Variants in CCNG2 observed in about 807,000 individuals in gnomAD.
CCNG2 encodes cyclin-G2.
In CCNG2, 20 loss-of-function variants were observed where a neutral mutation model predicts 36.5. The ratio of observed to expected loss-of-function variants is 0.55; its 90% CI spans 0.39 to 0.80. CCNG2 has a LOEUF of 0.80. Among genes scored for constraint, CCNG2 ranks in the 30% least tolerant of loss-of-function variants. The pLI is 0.00. For missense variants in CCNG2, 358 were observed against 390.8 expected (o/e 0.92, Z 0.71); for synonymous variants, 155 against 140.1 (o/e 1.11, Z -0.75).
Position 77,158,522 on chromosome 4 carries a change from CTT to C in CCNG2, c.1-9_1-8del. On this transcript the variant is annotated splice_polypyrimidine_tract_variant and intron_variant, in intron 1 of 7. Transcript: ENST00000316355. ...CCAGATTACATTCTCTGTGTGGTGT[CTT>C]TACTGCAGATGAAGGATTTGGGGGC... 1 of 1,614,112 alleles carries C rather than the reference CTT, an allele frequency of 6.2e-7. No homozygotes were observed. The highest frequency in any genetic ancestry group is 8.5e-7 in the Non-Finnish European group (1 of 1,179,956).
At chr4:77,157,688 A>T (rs749725340) in intron 1 of CCNG2, among the ~76,000 whole-genome samples, 182 bp downstream of exon 1, 1 of 151,526 alleles carries the variant, frequency 6.6e-6, no homozygotes, top group Non-Finnish European at 1.5e-5. Context: ...GGACAGATAG[A>T]TGCTCGTGGG....
At chr4:77,158,442 C>T in intron 1 of CCNG2, 91 bp from the exon 2 acceptor site, 3 of 1,339,164 alleles carry the variant, frequency 2.2e-6, no homozygotes, top group Non-Finnish European at 3.2e-6. Flanking sequence ...TGGGGCGACC[C>T]TTGCTGGAGG....
intron 1 of CCNG2, among the ~76,000 whole-genome samples, chr4:77,157,826 TGTG>T (rs1731306052): frequency 6.6e-6 from 1 of 151,754 alleles, no homozygotes; most frequent in Non-Finnish European, 1.5e-5. Context: ...TCTGCAGAGT[TGTG>T]GGGCCCCGGC....
intron 1 of CCNG2, 86 bp downstream of exon 1, chr4:77,157,592 G>C (rs1371368549): frequency 1.3e-5 from 2 of 152,622 alleles, no homozygotes; most frequent in African/African-American, 4.8e-5. Context: ...CCATGCGAGT[G>C]CCTCGGTGCT....
chr4:77,158,733 C>A, intron 2 of CCNG2, 63 bp downstream of exon 2: 9 of 1,571,448 alleles, frequency 5.7e-6, no homozygotes, highest in East Asian at 2.2e-5. Flanking sequence ...GGTAACCCCC[C>A]CGCCCCCGTT....
rs959793777 is a variant in CCNG2, at chr4:77,165,675, C to T, written c.912-126C>T. The T allele has an allele frequency of 4.0e-6, 3 of 746,444 alleles. No individual in the cohort carries two copies. The South Asian group carries it at 7.4e-5, about 18-fold the overall frequency. 46.2% of individuals were successfully genotyped at this position (746,444 alleles called of 1,614,324 possible). On this transcript the variant is annotated intron_variant, in intron 7 of 7. Coordinates refer to ENST00000316355, the MANE Select transcript of CCNG2 (RefSeq NM_004354.3). ...TAGGAAGTCCTTATAAATTTTGTCTCTGTAAAGCATAAATTTTGAATATAA... is the reference window on the plus strand; with the variant it reads ...TAGGAAGTCCTTATAAATTTTGTCTTTGTAAAGCATAAATTTTGAATATAA...
chr4:77,157,587 C>G (rs778228616), intron 1 of CCNG2, 81 bp downstream of exon 1: 1 of 152,588 alleles, frequency 6.6e-6, no homozygotes, highest in African/African-American at 2.4e-5. Context: ...TGGTACCATG[C>G]GAGTGCCTCG....
intron 1 of CCNG2, chr4:77,158,200 C>T (rs567994583): frequency 1.6e-5 from 5 of 318,384 alleles, no homozygotes; most frequent in East Asian, 1.4e-4. Context: ...GGGCAGAAGG[C>T]CCTCCCTGGC....
Position 77,161,809 on chromosome 4 carries a change from T to G in CCNG2, c.705+62T>G, listed in dbSNP as rs1243307846. ...TCCTGATGTTTATTTTTTTCTGTGG[T>G]GACTTAAACATTAAGTAATACTTTA... On this transcript the variant is annotated intron_variant, in intron 6 of 7. Coordinates refer to ENST00000316355, the MANE Select transcript of CCNG2 (RefSeq NM_004354.3). 5.1e-6 allele frequency: 5 copies of G among 983,794 alleles called. No homozygotes were observed. The Admixed American group carries it at 1.1e-4, about 22-fold the overall frequency. The allele number at this position is 983,794 out of a possible 1,614,324, so 60.9% of individuals were successfully genotyped here. A position where few individuals can be genotyped will look rare whatever the true frequency, so the allele number is the denominator to read the frequency against.
intron 1 of CCNG2, chr4:77,158,294 G>T (rs1451553323): frequency 3.8e-6 from 2 of 520,590 alleles, no homozygotes; most frequent in Non-Finnish European, 6.8e-6. Flanking sequence ...GCCAGGGCTG[G>T]CCGGTCTTAC....
intron 7 of CCNG2, 95 bp from the exon 8 acceptor site, chr4:77,165,706 C>T: frequency 9.5e-7 from 1 of 1,052,204 alleles, no homozygotes; most frequent in Non-Finnish European, 1.3e-6. Flanking sequence ...TATAAAAATC[C>T]TCACTAGAGA....
At chr4:77,163,112 CTATAGT>C (rs1731531442) in intron 6 of CCNG2, among the ~76,000 whole-genome samples, 1 of 152,010 alleles carries the variant, frequency 6.6e-6, no homozygotes, top group East Asian at 1.9e-4. Context: ...AGAAGATAAA[CTATAGT>C]TAGAGATTGA....
intron 7 of CCNG2, among the ~76,000 whole-genome samples, chr4:77,165,413 A>G (rs938443289): frequency 1.1e-4 from 16 of 149,372 alleles, no homozygotes; most frequent in African/African-American, 2.2e-4. Context: ...AAGAAAACCT[A>G]TATTTTCTTT....
At position 77,162,636 on chromosome 4, in the gene CCNG2, G is replaced by A. The variant is rs148502776; in HGVS notation, c.705+889G>A. Among the ~76,000 whole-genome samples the A allele has an allele frequency of 4.5e-4, 68 of 152,022 alleles. 1 individual carries two copies. Among genetic ancestry groups the A allele is most frequent in the Admixed American group, 1.4e-3 (22 of 15,286 alleles). Reference sequence around the variant, plus strand: ...GACTTCAAGTGATCCCACCTGCCTTGGCCTCCCAAAGTGCTGGGATTACAG... The same window carrying A: ...GACTTCAAGTGATCCCACCTGCCTTAGCCTCCCAAAGTGCTGGGATTACAG... On this transcript the variant is annotated intron_variant, in intron 6 of 7. Coordinates refer to ENST00000316355, the MANE Select transcript of CCNG2 (RefSeq NM_004354.3).
Position 77,164,256 on chromosome 4 carries a change from A to G in CCNG2, c.706-18A>G. 1 of 1,600,366 alleles carries G rather than the reference A, an allele frequency of 6.2e-7. No individual in the cohort carries two copies. The highest frequency in any genetic ancestry group is 8.6e-7 in the Non-Finnish European group (1 of 1,167,848). On this transcript the variant is annotated intron_variant, in intron 6 of 7. Transcript: ENST00000316355. ...TTGGGAGACATTGCCGTAACCTCTTAAAATATTTTTTTTTCAGATTAATGA... is the reference window on the plus strand; with the variant it reads ...TTGGGAGACATTGCCGTAACCTCTTGAAATATTTTTTTTTCAGATTAATGA...
rs2109927482 is a variant in CCNG2, at chr4:77,168,377, A to G, written c.*2453A>G. The G allele has an allele frequency of 6.6e-6, 1 of 152,222 alleles. No homozygotes were observed. Among genetic ancestry groups the G allele is most frequent in the East Asian group, 1.9e-4 (1 of 5,186 alleles). 9.4% of individuals were successfully genotyped at this position (152,222 alleles called of 1,614,324 possible). A position where few individuals can be genotyped will look rare whatever the true frequency, so the allele number is the denominator to read the frequency against. ...TTGTGATCCCTCAGCTTCCAGGCTT[A>G]CTCCTGGTCTCTGCCTTCCTATCTA... On this transcript the variant is annotated 3_prime_UTR_variant, in exon 8 of 8. Coordinates refer to ENST00000316355, the MANE Select transcript of CCNG2 (RefSeq NM_004354.3).
At chr4:77,162,449 C>G in intron 6 of CCNG2, among the ~76,000 whole-genome samples, 1 of 123,692 alleles carries the variant, frequency 8.1e-6, no homozygotes, top group East Asian at 2.6e-4. Context: ...GTGGCATGAT[C>G]TTGGCTCACC....
intron 2 of CCNG2, 80 bp downstream of exon 2, chr4:77,158,750 T>C: frequency 6.7e-7 from 1 of 1,482,976 alleles, no homozygotes; most frequent in Non-Finnish European, 9.2e-7. Flanking sequence ...CGTTGAATCA[T>C]GACTAAAGCC....
intron 2 of CCNG2, 72 bp downstream of exon 2, chr4:77,158,742 T>C: frequency 1.3e-6 from 2 of 1,535,150 alleles, no homozygotes; most frequent in East Asian, 2.3e-5. Flanking sequence ...CCCGCCCCCG[T>C]TGAATCATGA....
Sources: gnomAD v4.1 joint callset for allele counts (sites outside exome capture counted in the v4.1 genomes callset) on GRCh38, gnomAD v4.1.1 for gene constraint, MANE v1.5 for transcripts, NCBI Gene and HGNC (gene_info 2026-07-23, HGNC 2026-07-21) for gene names.